Variants in EPHA5 observed in about 807,000 individuals in gnomAD.
EPHA5 encodes the protein EPH receptor A5.
Under a neutral mutation model 105.0 loss-of-function variants are expected in EPHA5, and 60 were observed. The observed-to-expected ratio is 0.57, with a 90% CI of 0.46 to 0.71. EPHA5 has a LOEUF of 0.71. Ranked by LOEUF, EPHA5 falls within the 30% of genes least tolerant of loss-of-function variation. The pLI is 0.00. For synonymous variants in EPHA5, 513 were observed against 449.1 expected (o/e 1.14, Z -1.80); for missense variants, 1,218 against 1,274.7 (o/e 0.96, Z 0.68).
At chr4:65,652,901 A>AT (rs1028697432) in intron 1 of EPHA5, among the ~76,000 whole-genome samples, 2 of 152,004 alleles carry the variant, frequency 1.3e-5, no homozygotes, top group Admixed American at 6.6e-5. Context: ...CTCTTTTCTT[A>AT]TTTTTTTATT....
At chr4:65,504,492 A>C (rs1732809966) in intron 3 of EPHA5, among the ~76,000 whole-genome samples, 1 of 151,896 alleles carries the variant, frequency 6.6e-6, no homozygotes, top group African/African-American at 2.4e-5. Context: ...CAAATAATGT[A>C]GCCTCCTAAG....
chr4:65,547,666 G>A (rs6551935), intron 3 of EPHA5, among the ~76,000 whole-genome samples: 36,861 of 151,904 alleles, frequency 0.24, 4,606 homozygotes, highest in African/African-American at 0.28. Flanking sequence ...AAAATGCTTG[G>A]TGTTTTGAGA....
intron 3 of EPHA5, among the ~76,000 whole-genome samples, chr4:65,553,896 T>C (rs745316703): frequency 1.3e-5 from 2 of 152,002 alleles, no homozygotes; most frequent in Non-Finnish European, 2.9e-5. Context: ...AATAGAAAAC[T>C]CTAGTGAAGT....
chr4:65,364,891 G>A, intron 11 of EPHA5, 126 bp downstream of exon 11: 1 of 678,690 alleles, frequency 1.5e-6, no homozygotes, highest in Non-Finnish European at 2.2e-6. Context: ...CTAAAATACA[G>A]GATAAACATT....
rs1354947916 is a variant in EPHA5 at position 65,326,054 on chromosome 4, A to G, written c.2946-1835T>C. ...CTCATATATATATGTATATATATGT[A>G]TATATATATTCACACATATAAATTG... is the stretch of plus-strand genomic sequence containing the variant. On this transcript the variant is annotated intron_variant, in intron 16 of 16. Transcript: ENST00000613740. 2.0e-5 allele frequency among the ~76,000 whole-genome samples: 3 copies of G among 148,234 alleles called. 1 individual carries two copies.
At chr4:65,531,895 A>T (rs185343300) in intron 3 of EPHA5, among the ~76,000 whole-genome samples, 48 of 152,300 alleles carry the variant, frequency 3.2e-4, no homozygotes, top group African/African-American at 1.1e-3. Context: ...ATTAAGCAAA[A>T]CTAGTTCTAA....
At chr4:65,601,307 T>G (rs990559301) in intron 3 of EPHA5, among the ~76,000 whole-genome samples, 5 of 152,200 alleles carry the variant, frequency 3.3e-5, no homozygotes, top group African/African-American at 4.8e-5. Context: ...AAAATAGATG[T>G]AGCAGACAAT....
chr4:65,503,005 A>T (rs1732647175), intron 3 of EPHA5, among the ~76,000 whole-genome samples: 2 of 151,838 alleles, frequency 1.3e-5, no homozygotes. Context: ...AAGTGAACTG[A>T]TGCAGGAACA....
chr4:65,431,040 G>A (rs1042787472), intron 5 of EPHA5, among the ~76,000 whole-genome samples: 2 of 152,110 alleles, frequency 1.3e-5, no homozygotes, highest in Admixed American at 1.3e-4. Flanking sequence ...ATGCATTTAT[G>A]TAATAGCATT....
intron 3 of EPHA5, among the ~76,000 whole-genome samples, chr4:65,563,099 TC>T (rs1739184624): frequency 1.3e-5 from 2 of 152,028 alleles, no homozygotes; most frequent in Admixed American, 1.3e-4. Context: ...AGATATAAAT[TC>T]TTTTTTTTTC....
intron 8 of EPHA5, among the ~76,000 whole-genome samples, chr4:65,389,782 A>G (rs75341282): frequency 0.012 from 1,893 of 152,128 alleles, 31 homozygotes; most frequent in African/African-American, 0.043. Context: ...GGTACATGGG[A>G]CTATTTGAAT....
At chr4:65,424,335 T>C (rs1724219730) in intron 5 of EPHA5, among the ~76,000 whole-genome samples, 1 of 152,130 alleles carries the variant, frequency 6.6e-6, no homozygotes, top group African/African-American at 2.4e-5. Context: ...TGGAAAGGCC[T>C]GCCATGGTAC....
At chr4:65,464,277 T>C (rs894532690) in intron 5 of EPHA5, among the ~76,000 whole-genome samples, 5 of 152,012 alleles carry the variant, frequency 3.3e-5, no homozygotes, top group African/African-American at 1.2e-4. Flanking sequence ...TAGCTTGTTT[T>C]CTACAAATTC....
intron 8 of EPHA5, among the ~76,000 whole-genome samples, chr4:65,383,007 G>T (rs10022952): frequency 0.039 from 5,851 of 149,726 alleles, 181 homozygotes; most frequent in African/African-American, 0.076. Flanking sequence ...TGTATATATA[G>T]AGAGAGATTA....
intron 2 of EPHA5, among the ~76,000 whole-genome samples, chr4:65,641,897 A>G (rs1257801240): frequency 6.6e-6 from 1 of 152,122 alleles, no homozygotes; most frequent in South Asian, 2.1e-4. Context: ...CCCACTCCCA[A>G]TACAGAAGGA....
At chr4:65,658,733 T>C (rs1255530202) in intron 1 of EPHA5, among the ~76,000 whole-genome samples, 1 of 152,042 alleles carries the variant, frequency 6.6e-6, no homozygotes, top group Admixed American at 6.6e-5. Context: ...CAGCTCTAAG[T>C]AGTTGAGCCA....
At chr4:65,549,554 T>C (rs567448627) in intron 3 of EPHA5, among the ~76,000 whole-genome samples, 6 of 152,224 alleles carry the variant, frequency 3.9e-5, no homozygotes, top group Non-Finnish European at 8.8e-5. Flanking sequence ...TAAGTTGACT[T>C]TTTCTAGAAA....
intron 5 of EPHA5, among the ~76,000 whole-genome samples, chr4:65,465,821 A>G (rs1294760510): frequency 6.6e-6 from 1 of 152,204 alleles, no homozygotes; most frequent in African/African-American, 2.4e-5. Flanking sequence ...AAAAATACCC[A>G]TTTGTAAAAT....
chr4:65,463,092 G>T (rs912895037), intron 5 of EPHA5, among the ~76,000 whole-genome samples: 2 of 152,086 alleles, frequency 1.3e-5, no homozygotes, highest in African/African-American at 2.4e-5. Context: ...CATAAGTATT[G>T]GTCTATATTA....
Sources: gnomAD v4.1 joint callset for allele counts (sites outside exome capture counted in the v4.1 genomes callset) on GRCh38, gnomAD v4.1.1 for gene constraint, MANE v1.5 for transcripts, NCBI Gene and HGNC (gene_info 2026-07-23, HGNC 2026-07-21) for gene names.